MAP2K5: variants seen among roughly 807,000 people sequenced by gnomAD.
MAP2K5 encodes mitogen-activated protein kinase kinase 5, also known as dual specificity mitogen-activated protein kinase kinase 5.
MAP2K5 carries 49 observed loss-of-function variants against 83.1 expected under a neutral mutation model. The observed-to-expected ratio is 0.59, with a 90% CI of 0.47 to 0.75. MAP2K5 has a LOEUF of 0.75. Ranked by LOEUF, MAP2K5 falls within the 30% of genes least tolerant of loss-of-function variation. MAP2K5 has a pLI of 0.00. For missense variants in MAP2K5, 457 were observed against 557.5 expected (o/e 0.82, Z 1.82); for synonymous variants, 202 against 191.8 (o/e 1.05, Z -0.44).
chr15:67,650,034 A>G (rs2086915640), intron 11 of MAP2K5, among the ~76,000 whole-genome samples: 1 of 152,326 alleles, frequency 6.6e-6, no homozygotes, highest in South Asian at 2.1e-4. Context: ...ATGATTTAAA[A>G]ATAATTTTTA....
chr15:67,739,424 A>ATG (rs2089420661), intron 17 of MAP2K5, among the ~76,000 whole-genome samples: 1 of 6,746 alleles, frequency 1.5e-4, no homozygotes, highest in Admixed American at 2.9e-3. Flanking sequence ...GTGTGTGACT[A>ATG]TATATATATA....
chr15:67,722,800 A>G lies in MAP2K5; in HGVS notation c.1045-5116A>G, dbSNP rs2088994870. Among the ~76,000 whole-genome samples the G allele has an allele frequency of 6.6e-6, 1 of 152,200 alleles. No homozygotes were observed. Among genetic ancestry groups the G allele is most frequent in the Admixed American group, 6.5e-5 (1 of 15,282 alleles). ...GATTTAACTGCAGCGCACAATCTAA[A>G]TGCAAAATCCTTAGATGGAAATTTA... On this transcript the variant is annotated intron_variant, in intron 16 of 21. Transcript: ENST00000178640. The surrounding 1 kb of genome is among the most constrained non-coding windows in gnomAD (Gnocchi z 4.2).
intron 9 of MAP2K5, among the ~76,000 whole-genome samples, chr15:67,639,656 ATAAAC>A (rs1195875393): frequency 6.6e-6 from 1 of 152,200 alleles, no homozygotes; most frequent in Non-Finnish European, 1.5e-5. Flanking sequence ...CACTTCCCAG[ATAAAC>A]TAAAGACTTT....
Position 67,758,547 on chromosome 15 carries a change from C to A in MAP2K5, c.1134+9946C>A, listed in dbSNP as rs2089885843. On this transcript the variant is annotated intron_variant, in intron 19 of 21. Coordinates refer to ENST00000178640, the MANE Select transcript of MAP2K5 (RefSeq NM_145160.3). This position sits in a 1 kb window ranked among gnomAD's most constrained non-coding sequence, Gnocchi z 4.7. ...TTATTTCTGTCTTCCTAGTACTGCA[C>A]CTAACATCCTATAGGCTCTTGTAAA... 6.6e-6 allele frequency among the ~76,000 whole-genome samples: 1 copy of A among 152,124 alleles called. No individual in the cohort carries two copies. Among genetic ancestry groups the A allele is most frequent in the East Asian group, 1.9e-4 (1 of 5,202 alleles).
chr15:67,569,461 G>A (rs2084908236), intron 3 of MAP2K5, among the ~76,000 whole-genome samples: 2 of 152,220 alleles, frequency 1.3e-5, no homozygotes, highest in African/African-American at 2.4e-5. Flanking sequence ...GCTGCAAGCT[G>A]TAAGTAAGGT....
chr15:67,543,238 C>A lies in MAP2K5; in HGVS notation c.-98C>A. On this transcript the variant is annotated 5_prime_UTR_variant, in exon 1 of 22. Transcript: ENST00000178640. The surrounding 1 kb of genome is among the most constrained non-coding windows in gnomAD (Gnocchi z 4.3). ...CATTCCCTTGTTTTCACCCTCTGTC[C>A]TCTGCCCGTCACTCCCCTTGTCACC... 7.9e-7 allele frequency: 1 copy of A among 1,266,286 alleles called. No homozygotes were observed. Among genetic ancestry groups the A allele is most frequent in the Non-Finnish European group, 1.1e-6 (1 of 876,028 alleles). The allele number at this position is 1,266,286 out of a possible 1,614,324, so 78.4% of individuals were successfully genotyped here.
intron 8 of MAP2K5, among the ~76,000 whole-genome samples, chr15:67,624,281 G>C (rs562048053): frequency 4.0e-5 from 6 of 148,638 alleles, no homozygotes; most frequent in African/African-American, 1.5e-4. Context: ...GGAGCTGGCA[G>C]TGAGCCGAGA....
intron 3 of MAP2K5, among the ~76,000 whole-genome samples, chr15:67,574,844 G>T (rs2085022349): frequency 6.6e-6 from 1 of 152,168 alleles, no homozygotes; most frequent in South Asian, 2.1e-4. Flanking sequence ...TCCAGCCTGG[G>T]CGACAGAGTG....
In MAP2K5 at chr15:67,748,267, A is replaced by G. The variant is rs773099499; in HGVS notation, c.1101+10A>G. On this transcript the variant is annotated intron_variant, in intron 18 of 21. Transcript: ENST00000178640. This position sits in a 1 kb window ranked among gnomAD's most constrained non-coding sequence, Gnocchi z 4.0. ...CCAGGGATCTTTAATGGTAAGCTTT[A>G]TGAGTTCAGAAAAAAATTCACTTTT... The G allele has an allele frequency of 4.4e-6, 7 of 1,601,704 alleles. No homozygotes were observed. In the East Asian group the frequency reaches 1.6e-4, roughly 36 times the overall value.
chr15:67,630,840 AG>A (rs776683958), intron 8 of MAP2K5, 47 bp from the exon 9 acceptor site: 1 of 1,395,888 alleles, frequency 7.2e-7, no homozygotes, highest in African/African-American at 1.4e-5. Context: ...ACCATTTTGT[AG>A]GTTGTTTAGT....
intron 17 of MAP2K5, among the ~76,000 whole-genome samples, chr15:67,735,554 G>T (rs2089321589): frequency 6.6e-6 from 1 of 152,166 alleles, no homozygotes; most frequent in South Asian, 2.1e-4. Context: ...GTGCAGTCCA[G>T]TTGGAAGAAA....
rs548227921 is a variant in MAP2K5 at position 67,781,874 on chromosome 15, T to C, written c.1242+9122T>C. On this transcript the variant is annotated intron_variant, in intron 21 of 21. Coordinates refer to ENST00000178640, the MANE Select transcript of MAP2K5 (RefSeq NM_145160.3). The surrounding 1 kb of genome is among the most constrained non-coding windows in gnomAD (Gnocchi z 4.0). ...CAGGACTTTCTAATTGTGGGATTGG[T>C]GTGGCATTGACAAAAATTTGTATAA... 1.2e-4 allele frequency among the ~76,000 whole-genome samples: 19 copies of C among 152,214 alleles called. No individual in the cohort carries two copies. The highest frequency in any genetic ancestry group is 3.9e-4 in the Admixed American group (6 of 15,288).
intron 2 of MAP2K5, among the ~76,000 whole-genome samples, chr15:67,560,067 A>G (rs11632574): frequency 6.6e-6 from 1 of 152,186 alleles, no homozygotes; most frequent in East Asian, 1.9e-4. Flanking sequence ...GATGGGCTGT[A>G]TATATCCAAG....
At chr15:67,761,178 C>T (rs181404659) in intron 19 of MAP2K5, among the ~76,000 whole-genome samples, 1 of 151,938 alleles carries the variant, frequency 6.6e-6, no homozygotes, top group East Asian at 1.9e-4. Context: ...TATGATTTTC[C>T]AAATCCTGAT....
intron 6 of MAP2K5, among the ~76,000 whole-genome samples, chr15:67,591,607 G>A (rs11504677): frequency 0.023 from 3,407 of 151,308 alleles, 57 homozygotes; most frequent in Middle Eastern, 0.045. Flanking sequence ...CTGACCTCGT[G>A]ATCCACCTGC....
chr15:67,688,601 TATACAAC>T (rs2088017634), intron 13 of MAP2K5, among the ~76,000 whole-genome samples: 1 of 152,212 alleles, frequency 6.6e-6, no homozygotes. Context: ...TATAATGAAA[TATACAAC>T]TTTTTCTAGC....
chr15:67,585,934 C>A lies in MAP2K5; in HGVS notation c.363+4C>A, dbSNP rs749737341. The A allele has an allele frequency of 6.2e-7, 1 of 1,612,410 alleles. No individual in the cohort carries two copies. ...ACGGAACATACATGGCCTGAAGGTA[C>A]GAATTTCAATAATTGTTTCAGTAAA... On this transcript the variant is annotated splice_donor_region_variant and intron_variant, in intron 5 of 21. Transcript: ENST00000178640.
At chr15:67,593,211 TAA>T (rs1035363101) in intron 7 of MAP2K5, among the ~76,000 whole-genome samples, 1 of 152,238 alleles carries the variant, frequency 6.6e-6, no homozygotes, top group Admixed American at 6.5e-5. Flanking sequence ...TCTCAGTTTT[TAA>T]AAAGTTAATC....
chr15:67,804,728 G>C (rs1329878640), intron 21 of MAP2K5, among the ~76,000 whole-genome samples: 1 of 152,214 alleles, frequency 6.6e-6, no homozygotes, highest in Admixed American at 6.5e-5. Flanking sequence ...CGTGGGGGGA[G>C]GGGCCCGTCA....
Sources: allele counts gnomAD v4.1 joint callset (sites outside exome capture counted in the v4.1 genomes callset), GRCh38; gene constraint gnomAD v4.1.1; non-coding constraint Gnocchi (gnomAD v3.1); transcripts MANE v1.5; gene names NCBI Gene and HGNC (gene_info 2026-07-23, HGNC 2026-07-21).